HOOK3: variants seen among roughly 807,000 people sequenced by gnomAD.
The protein encoded by HOOK3 is protein Hook homolog 3.
In HOOK3, 24 loss-of-function variants were observed where a neutral mutation model predicts 116.3. The ratio of observed to expected loss-of-function variants is 0.21; its 90% confidence interval spans 0.15 to 0.29. HOOK3 has a LOEUF of 0.29. HOOK3 is among the 10% of genes least tolerant of loss of function. The pLI is 1.00. For synonymous variants in HOOK3, 275 were observed against 283.0 expected (o/e 0.97, Z 0.28); for missense variants, 632 against 830.2 (o/e 0.76, Z 2.93).
chr8:42,915,105 T>C (rs890109050), intron 2 of HOOK3, among the ~76,000 whole-genome samples: 6 of 152,198 alleles, frequency 3.9e-5, no homozygotes, highest in African/African-American at 1.2e-4. Flanking sequence ...TGGTGGCCTG[T>C]TTGTTAGTCA....
Position 42,986,790 on chromosome 8 carries a change from G to T in HOOK3, c.1527G>T (p.Glu509Asp). The T allele has an allele frequency of 3.1e-6, 5 of 1,613,306 alleles. No individual in the cohort carries two copies. The highest frequency in any genetic ancestry group is 4.2e-6 in the Non-Finnish European group (5 of 1,179,728). The change falls in exon 15 of 22, where the codon GAG becomes GAT. Residue 509 changes from glutamate to aspartate, a missense_variant. Physicochemically the swap from Glu to Asp is conservative, Grantham distance 45. This residue lies in a region of HOOK3 where 483 missense variants were observed against 648.1 expected (regional missense o/e 0.75). Transcript: ENST00000307602. The part of the protein sequence containing the change: ...ANLRKNELET[E>D]NRLVNQRLLE... ...TACGCAAGAATGAACTGGAGACAGA[G>T]AATAGGTAGAGTATTATAGGTGGCC... is the stretch of plus-strand genomic sequence containing the variant.
chr8:42,997,852 C>T, intron 16 of HOOK3: 1 of 437,716 alleles, frequency 2.3e-6, no homozygotes. Context: ...ATTAGAAGTT[C>T]ATTTCTAGTT....
chr8:42,938,734 T>TTTATTTA (rs1808027935), intron 4 of HOOK3, among the ~76,000 whole-genome samples: 1 of 138,800 alleles, frequency 7.2e-6, no homozygotes, highest in African/African-American at 2.9e-5. Context: ...TTATTTATTT[T>TTTATTTA]TATTGATCAT....
In HOOK3 at chr8:43,010,294, C is replaced by G. The variant is rs537371832; in HGVS notation, c.1739-11C>G. ...TCTAAATATATATATTTTACTGTGT[C>G]TCATCTGCAGCCTTAAAAATTGAAG... On this transcript the variant is annotated splice_polypyrimidine_tract_variant and intron_variant, in intron 18 of 21. Transcript: ENST00000307602. The G allele has an allele frequency of 9.9e-6, 10 of 1,011,184 alleles. No individual in the cohort carries two copies. The highest frequency in any genetic ancestry group is 1.7e-5 in the African/African-American group (1 of 59,276). The allele number at this position is 1,011,184 out of a possible 1,614,324, so 62.6% of individuals were successfully genotyped here.
At chr8:42,920,488 T>TATA (rs1358576030) in intron 2 of HOOK3, among the ~76,000 whole-genome samples, 1 of 152,216 alleles carries the variant, frequency 6.6e-6, no homozygotes, top group African/African-American at 2.4e-5. Flanking sequence ...GCTGTCCCTT[T>TATA]AAGCAAATTT....
intron 1 of HOOK3, among the ~76,000 whole-genome samples, chr8:42,899,257 G>T (rs1807133425): frequency 6.6e-6 from 1 of 152,194 alleles, no homozygotes; most frequent in Admixed American, 6.5e-5. Context: ...AAAATGTCAA[G>T]AAAACGAGTA....
chr8:42,952,459 C>T (rs147669299), intron 6 of HOOK3, among the ~76,000 whole-genome samples: 1 of 152,296 alleles, frequency 6.6e-6, no homozygotes, highest in African/African-American at 2.4e-5. Flanking sequence ...GGTTTCATTA[C>T]ATGGGTATGT....
rs761976678 is a variant in HOOK3 at position 42,973,276 on chromosome 8, C to T, written c.1123-13C>T. ...TCAGATTATGTATAAGTAATGGTAT[C>T]TTTCTGTATCAGGTAGTAGAACTAC... On this transcript the variant is annotated splice_polypyrimidine_tract_variant and intron_variant, in intron 11 of 21. Transcript: ENST00000307602. The T allele has an allele frequency of 5.0e-6, 8 of 1,595,404 alleles. No homozygotes were observed. In the Middle Eastern group the frequency reaches 7.1e-4, roughly 141 times the overall value.
rs186261596 is a variant in HOOK3, at chr8:42,904,092, T to C, written c.58-2081T>C. ...GACAGTTTTATCAAAAACCGTAAAA[T>C]GTTCATACACTTTTTGACCTAGCAG... On this transcript the variant is annotated intron_variant, in intron 1 of 21. Coordinates refer to ENST00000307602, the MANE Select transcript of HOOK3 (RefSeq NM_032410.4). Among the ~76,000 whole-genome samples the C allele has an allele frequency of 3.3e-5, 5 of 152,302 alleles. No individual in the cohort carries two copies. In the East Asian group the frequency reaches 9.7e-4, roughly 29 times the overall value.
At position 43,028,482 on chromosome 8, in the gene HOOK3, T is replaced by C; in HGVS notation, c.*9984T>C. On this transcript the variant is annotated 3_prime_UTR_variant, in exon 22 of 22. Coordinates refer to ENST00000307602, the MANE Select transcript of HOOK3 (RefSeq NM_032410.4). ...CCTTCCTTTTAAATTTATATAGATCTAATGAACATTGCCAACAGTTTTTTT... is the reference window on the plus strand; with the variant it reads ...CCTTCCTTTTAAATTTATATAGATCCAATGAACATTGCCAACAGTTTTTTT... 5.3e-6 allele frequency: 1 copy of C among 189,622 alleles called. No individual in the cohort carries two copies. Among genetic ancestry groups the C allele is most frequent in the East Asian group, 8.5e-5 (1 of 11,740 alleles). 11.7% of individuals were successfully genotyped at this position (189,622 alleles called of 1,614,324 possible).
At chr8:42,935,870 A>G (rs558555120) in intron 4 of HOOK3, among the ~76,000 whole-genome samples, 2 of 152,240 alleles carry the variant, frequency 1.3e-5, no homozygotes, top group Non-Finnish European at 2.9e-5. Flanking sequence ...TCTTGGCTAT[A>G]CTGGCTCTTT....
chr8:42,932,421 C>T (rs1403301294), intron 4 of HOOK3, among the ~76,000 whole-genome samples: 2 of 152,102 alleles, frequency 1.3e-5, no homozygotes, highest in South Asian at 2.1e-4. Context: ...GATAGTGATG[C>T]TGTTTCAGGA....
chr8:42,899,029 ATG>A (rs1807126171), intron 1 of HOOK3, among the ~76,000 whole-genome samples: 2 of 152,222 alleles, frequency 1.3e-5, no homozygotes, highest in Non-Finnish European at 2.9e-5. Context: ...TTTCTACTGA[ATG>A]TGTATCTTGC....
At chr8:42,962,752 A>C (rs1434023649) in intron 8 of HOOK3, among the ~76,000 whole-genome samples, 1 of 146,288 alleles carries the variant, frequency 6.8e-6, no homozygotes, top group Non-Finnish European at 1.5e-5. Context: ...TGTAAAAAGG[A>C]GTTCTGCCAA....
At chr8:42,941,339 C>T (rs980263318) in intron 4 of HOOK3, among the ~76,000 whole-genome samples, 2 of 150,328 alleles carry the variant, frequency 1.3e-5, no homozygotes, top group African/African-American at 4.8e-5. Flanking sequence ...CACGGTGAAA[C>T]CCCATCTCTA....
At chr8:42,932,253 T>C in intron 4 of HOOK3, among the ~76,000 whole-genome samples, 1 of 152,162 alleles carries the variant, frequency 6.6e-6, no homozygotes, top group Non-Finnish European at 1.5e-5. Flanking sequence ...TGACAAAATG[T>C]TTTTTTCCTT....
chr8:42,987,442 T>C (rs912734226), intron 15 of HOOK3, among the ~76,000 whole-genome samples: 2 of 152,208 alleles, frequency 1.3e-5, no homozygotes, highest in African/African-American at 2.4e-5. Context: ...AGAATTTCAA[T>C]TCACAGTTGT....
At chr8:42,919,492 C>G (rs1179105451) in intron 2 of HOOK3, among the ~76,000 whole-genome samples, 2 of 151,378 alleles carry the variant, frequency 1.3e-5, no homozygotes, top group East Asian at 3.9e-4. Flanking sequence ...CCTCACATCC[C>G]AGACGATGGG....
intron 21 of HOOK3, among the ~76,000 whole-genome samples, chr8:43,017,299 G>A (rs140796486): frequency 1.3e-5 from 2 of 152,068 alleles, no homozygotes; most frequent in Middle Eastern, 3.2e-3. Flanking sequence ...CCAAGTTCTC[G>A]CACTGTTCCC....
Sources: allele counts gnomAD v4.1 joint callset (sites outside exome capture counted in the v4.1 genomes callset), GRCh38; gene constraint gnomAD v4.1.1; regional missense constraint gnomAD v4.1.1; transcripts MANE v1.5; gene names NCBI Gene and HGNC (gene_info 2026-07-23, HGNC 2026-07-21).